Variants in ERCC6L2 observed in about 807,000 individuals in gnomAD.
The protein encoded by ERCC6L2 is DNA excision repair protein ERCC-6-like 2.
In ERCC6L2, 77 loss-of-function variants were observed where a neutral mutation model predicts 132.0. The observed-to-expected ratio is 0.58, with a 90% CI of 0.49 to 0.71. The LOEUF is 0.71. Among genes scored for constraint, ERCC6L2 ranks in the 30% least tolerant of loss-of-function variants. The pLI is 0.00. For missense variants in ERCC6L2, 1,542 were observed against 1,837.6 expected, an observed-to-expected ratio of 0.84 and a Z score of 2.94; for synonymous variants, 583 against 632.4, an observed-to-expected ratio of 0.92 and a Z score of 1.17.
intron 17 of ERCC6L2, among the ~76,000 whole-genome samples, chr9:96,002,034 C>T (rs542032612): frequency 3.3e-5 from 5 of 152,390 alleles, no homozygotes; most frequent in South Asian, 4.1e-4. Context: ...ACCAAGCCCA[C>T]GCCCACCTGG....
At chr9:96,031,927 A>G (rs916105678) in intron 19 of ERCC6L2, among the ~76,000 whole-genome samples, 5 of 152,222 alleles carry the variant, frequency 3.3e-5, no homozygotes, top group African/African-American at 1.2e-4. Flanking sequence ...TCTTTAAAAA[A>G]TTTAGATCCC....
At chr9:96,001,856 C>T (rs1833694008) in intron 17 of ERCC6L2, among the ~76,000 whole-genome samples, 2 of 152,216 alleles carry the variant, frequency 1.3e-5, no homozygotes, top group Admixed American at 1.3e-4. Flanking sequence ...GGTCCTGAGC[C>T]CTGCCCCGTG....
intron 17 of ERCC6L2, among the ~76,000 whole-genome samples, chr9:95,984,902 T>A (rs1833039042): frequency 6.6e-6 from 1 of 152,222 alleles, no homozygotes; most frequent in Non-Finnish European, 1.5e-5. Flanking sequence ...GTTCATTGAT[T>A]AAATATATTA....
intron 19 of ERCC6L2, among the ~76,000 whole-genome samples, chr9:96,035,970 C>T (rs534642257): frequency 1.4e-4 from 21 of 152,256 alleles, no homozygotes; most frequent in East Asian, 7.7e-4. Flanking sequence ...CTGAAACTTT[C>T]GGAAAATAAA....
At chr9:95,928,375 G>A (rs1475577542) in intron 10 of ERCC6L2, 3 of 430,232 alleles carry the variant, frequency 7.0e-6, no homozygotes, top group Admixed American at 8.2e-5. Context: ...TTCTGTTGAT[G>A]TTCTTAATAA....
At position 95,901,075 on chromosome 9, in the gene ERCC6L2, G is replaced by GA. The variant is rs33928648; in HGVS notation, c.594+3119dup. Among the ~76,000 whole-genome samples the GA allele has an allele frequency of 4.8e-3, 620 of 129,072 alleles. 1 individual carries two copies. The highest frequency in any genetic ancestry group is 0.012 in the African/African-American group (428 of 36,008). The allele number at this position is 129,072 out of a possible 152,430, so 84.7% of individuals were successfully genotyped here. Reference sequence around the variant, plus strand: ...GGTGACAGAGTGGTACTCTGTCTCAGAAAAAAAAAAAAAAATTCTTCAGTA... The same window carrying GA: ...GGTGACAGAGTGGTACTCTGTCTCAGAAAAAAAAAAAAAAAATTCTTCAGTA... On this transcript the variant is annotated intron_variant, in intron 3 of 18. Coordinates refer to ENST00000653738, the MANE Select transcript of ERCC6L2 (RefSeq NM_020207.7).
At chr9:96,027,455 G>A (rs888441316) in intron 19 of ERCC6L2, among the ~76,000 whole-genome samples, 27 of 152,300 alleles carry the variant, frequency 1.8e-4, no homozygotes, top group African/African-American at 6.3e-4. Flanking sequence ...GCAGCCCGGC[G>A]CGGGAGAGGC....
At chr9:95,967,624 A>G (rs917215103) in intron 14 of ERCC6L2, 1 of 152,160 alleles carries the variant, frequency 6.6e-6, no homozygotes, top group East Asian at 1.9e-4. Context: ...GGGGAGAGGA[A>G]GGTATATATT....
At chr9:95,977,119 G>A (rs1454377242) in intron 16 of ERCC6L2, among the ~76,000 whole-genome samples, 2 of 152,058 alleles carry the variant, frequency 1.3e-5, no homozygotes, top group African/African-American at 4.8e-5. Context: ...TAGTTAATTT[G>A]GAACTAATGC....
intron 19 of ERCC6L2, among the ~76,000 whole-genome samples, chr9:96,035,007 C>A (rs941416800): frequency 6.6e-6 from 1 of 152,174 alleles, no homozygotes; most frequent in Non-Finnish European, 1.5e-5. Context: ...AGGACCTTGG[C>A]GTCTCTGTAG....
At chr9:95,878,551 A>G (rs1827414392) in intron 1 of ERCC6L2, among the ~76,000 whole-genome samples, 1 of 151,900 alleles carries the variant, frequency 6.6e-6, no homozygotes, top group Non-Finnish European at 1.5e-5. Flanking sequence ...CGTGTGCACA[A>G]TGTGCAGGTT....
chr9:96,020,426 A>T (rs952730079), downstream of ERCC6L2: 9 of 286,296 alleles, frequency 3.1e-5, no homozygotes, highest in South Asian at 3.0e-4. Context: ...AGGGCAGGTC[A>T]TCCCAAGGAC....
intron 13 of ERCC6L2, among the ~76,000 whole-genome samples, chr9:95,962,308 T>C (rs1188993532): frequency 6.6e-6 from 1 of 152,116 alleles, no homozygotes; most frequent in Non-Finnish European, 1.5e-5. Context: ...TGAGAGATGC[T>C]CATATACTAC....
At chr9:95,935,137 A>AC (rs1207743773) in intron 11 of ERCC6L2, among the ~76,000 whole-genome samples, 2 of 152,324 alleles carry the variant, frequency 1.3e-5, no homozygotes, top group African/African-American at 4.8e-5. Context: ...TAAATGCTTT[A>AC]CTGGAGTTTA....
chr9:95,912,217 C>T (rs1008697668), intron 4 of ERCC6L2, among the ~76,000 whole-genome samples: 8 of 152,132 alleles, frequency 5.3e-5, no homozygotes, highest in African/African-American at 1.9e-4. Context: ...CTTTTGTCAG[C>T]CATCTTGTCC....
rs1396633944 is a variant in ERCC6L2 at position 96,013,924 on chromosome 9, T to TGTATA, written c.*725_*729dup. 2.0e-5 allele frequency: 3 copies of TGTATA among 152,232 alleles called. No homozygotes were observed. The highest frequency in any genetic ancestry group is 2.9e-5 in the Non-Finnish European group (2 of 68,048). The allele number at this position is 152,232 out of a possible 1,614,324, so 9.4% of individuals were successfully genotyped here. On this transcript the variant is annotated 3_prime_UTR_variant, in exon 19 of 19. Coordinates refer to ENST00000653738, the MANE Select transcript of ERCC6L2 (RefSeq NM_020207.7). ...TTGTGATTTAATGTAAATAAAGGTT[T>TGTATA]GTATAGTACTTTTGTAGTTCTTAAG...
At chr9:96,001,584 T>G (rs1833681370) in intron 17 of ERCC6L2, among the ~76,000 whole-genome samples, 1 of 152,128 alleles carries the variant, frequency 6.6e-6, no homozygotes, top group African/African-American at 2.4e-5. Context: ...CCAATTGGTG[T>G]ATTTACAATC....
intron 13 of ERCC6L2, among the ~76,000 whole-genome samples, chr9:95,964,866 C>T (rs1832080984): frequency 6.6e-6 from 1 of 152,060 alleles, no homozygotes; most frequent in African/African-American, 2.4e-5. Flanking sequence ...AAATAATGTG[C>T]TTTTTATAAA....
intron 19 of ERCC6L2, among the ~76,000 whole-genome samples, chr9:96,029,310 A>C (rs1158269256): frequency 2.0e-5 from 3 of 149,560 alleles, no homozygotes; most frequent in Admixed American, 2.0e-4. Flanking sequence ...TCTCAAAAAA[A>C]AAAAAAAAAA....
Sources: allele counts gnomAD v4.1 joint callset (sites outside exome capture counted in the v4.1 genomes callset), GRCh38; gene constraint gnomAD v4.1.1; transcripts MANE v1.5; gene names NCBI Gene and HGNC (gene_info 2026-07-23, HGNC 2026-07-21).